LDHB: variants seen among roughly 807,000 people sequenced by gnomAD.
The protein encoded by LDHB is L-lactate dehydrogenase B chain.
In LDHB, 18 loss-of-function variants were observed where a neutral mutation model predicts 33.4. The observed-to-expected ratio is 0.54, with a 90% CI of 0.37 to 0.80. The LOEUF (loss-of-function observed/expected upper bound fraction) is 0.80. Among genes scored for constraint, LDHB ranks in the 30% least tolerant of loss-of-function variants. The pLI is 0.00. For missense variants in LDHB, 345 were observed against 407.9 expected (o/e 0.85, Z 1.33); for synonymous variants, 121 against 140.6 (o/e 0.86, Z 0.98).
Position 21,644,053 on chromosome 12 carries a change from C to T in LDHB, c.303G>A (p.Gln101=). The change falls in exon 4 of 8, where the codon CAG becomes CAA. Residue 101 remains glutamine, a synonymous_variant. Coordinates refer to ENST00000350669, the MANE Select transcript of LDHB (RefSeq NM_002300.8). ...KIVVVTAGVR[Q]QEGESRLNLV... ...GATTGAGCCGACTCTCCCCTTCTTG[C>T]TGACGGACTCCTGCAGTTACCACTA... 1 of 1,613,308 alleles carries T rather than the reference C, an allele frequency of 6.2e-7. No homozygotes were observed. The highest frequency in any genetic ancestry group is 8.5e-7 in the Non-Finnish European group (1 of 1,179,290).
chr12:21,643,112 A>G (rs894682037), intron 4 of LDHB, among the ~76,000 whole-genome samples: 7 of 152,242 alleles, frequency 4.6e-5, no homozygotes, highest in African/African-American at 1.7e-4. Context: ...TTGCAGAAGT[A>G]AAAATATGGA....
At chr12:21,647,136 A>C (rs1938548493) in intron 2 of LDHB, 120 bp from the exon 3 acceptor site, 1 of 678,432 alleles carries the variant, frequency 1.5e-6, no homozygotes, top group Non-Finnish European at 2.6e-6. Context: ...CATCTTGAGA[A>C]TTTTACCATG....
At chr12:21,637,032 G>A (rs375094437) in intron 7 of LDHB, 39 bp downstream of exon 7, 3 of 1,492,708 alleles carry the variant, frequency 2.0e-6, no homozygotes, top group Non-Finnish European at 2.8e-6. Context: ...AGAATACAAT[G>A]CGAGAAATCA....
At chr12:21,637,292 G>C in intron 6 of LDHB, 98 bp from the exon 7 acceptor site, 1 of 927,016 alleles carries the variant, frequency 1.1e-6, no homozygotes. Context: ...CTATAATCTT[G>C]GGCAAATTAT....
At chr12:21,656,510 G>A (rs900079851) in intron 1 of LDHB, among the ~76,000 whole-genome samples, 5 of 152,146 alleles carry the variant, frequency 3.3e-5, no homozygotes, top group Non-Finnish European at 7.4e-5. Flanking sequence ...GTCTGTTTAC[G>A]ACCGTTTTGG....
chr12:21,646,173 G>A (rs1938522169), intron 3 of LDHB, among the ~76,000 whole-genome samples: 1 of 152,194 alleles, frequency 6.6e-6, no homozygotes, highest in Non-Finnish European at 1.5e-5. Context: ...AGGGAGGAGA[G>A]GAGAATGATG....
At chr12:21,654,493 G>A (rs568052918) in intron 2 of LDHB, 50 bp downstream of exon 2, 2 of 1,570,412 alleles carry the variant, frequency 1.3e-6, no homozygotes, top group African/African-American at 2.7e-5. Context: ...CAAAGAAACT[G>A]TGTATACATG....
At chr12:21,644,342 C>T (rs528961730) in intron 3 of LDHB, among the ~76,000 whole-genome samples, 7 of 139,102 alleles carry the variant, frequency 5.0e-5, no homozygotes, top group South Asian at 2.2e-4. Flanking sequence ...AAAGATGACC[C>T]GAAAGTATGT....
At chr12:21,644,747 A>T (rs1938475615) in intron 3 of LDHB, among the ~76,000 whole-genome samples, 1 of 152,164 alleles carries the variant, frequency 6.6e-6, no homozygotes, top group South Asian at 2.1e-4. Flanking sequence ...GCTTTTGATG[A>T]TTGGTAATAC....
Position 21,635,699 on chromosome 12 carries a change from C to T in LDHB, c.848G>A (p.Gly283Asp). Reference protein sequence around the residue: ...PVSTMVKGMYGIENEVFLSLP... With the variant: ...PVSTMVKGMYDIENEVFLSLP... ...GCTCAGGAAGACTTCATTCTCAATG[C>T]CATACATCCCCTGCCAGAACAACAA... is the stretch of plus-strand genomic sequence containing the variant. The change falls in exon 8 of 8, where the codon GGC (glycine) becomes GAC (aspartate). Residue 283 changes from glycine to aspartate, a missense_variant. By Grantham distance (94) the Gly-to-Asp change is moderately conservative. Coordinates refer to ENST00000350669, the MANE Select transcript of LDHB (RefSeq NM_002300.8). 1 of 1,613,500 alleles carries T rather than the reference C, an allele frequency of 6.2e-7. No homozygotes were observed. Among genetic ancestry groups the T allele is most frequent in the Non-Finnish European group, 8.5e-7 (1 of 1,179,658 alleles).
intron 5 of LDHB, among the ~76,000 whole-genome samples, chr12:21,638,879 A>G (rs1591827331): frequency 6.6e-6 from 1 of 151,984 alleles, no homozygotes; most frequent in Non-Finnish European, 1.5e-5. Flanking sequence ...AAGAAAAAAA[A>G]TCCTAGAATA....
chr12:21,648,748 G>A (rs1938598454), intron 2 of LDHB, among the ~76,000 whole-genome samples: 1 of 152,222 alleles, frequency 6.6e-6, no homozygotes, highest in African/African-American at 2.4e-5. Context: ...ACTGTCCTCT[G>A]TTGCTAAAAT....
At chr12:21,650,096 G>GAAAA (rs1555165524) in intron 2 of LDHB, among the ~76,000 whole-genome samples, 12 of 24,540 alleles carry the variant, frequency 4.9e-4, no homozygotes, top group African/African-American at 9.3e-4. Flanking sequence ...TCTCTCAAGA[G>GAAAA]AAAAAAAATA....
intron 1 of LDHB, chr12:21,657,087 T>A (rs1207876981): frequency 6.6e-6 from 1 of 151,984 alleles, no homozygotes; most frequent in Admixed American, 6.6e-5. Flanking sequence ...GCTAGAGATC[T>A]CCCCGAGTAA....
rs796589899 is a variant in LDHB at position 21,650,138 on chromosome 12, ACACACACACACACG to A, written c.130-3136_130-3123del. Among the ~76,000 whole-genome samples the A allele has an allele frequency of 3.0e-3, 454 of 149,256 alleles. 11 individuals are homozygous for A. The highest frequency in any genetic ancestry group is 9.9e-3 in the African/African-American group (399 of 40,138). ...CACACACACACACACACACACACAC[ACACACACACACACG>A]TCTCTCTCTCCAAGTGTTTAGTATG... On this transcript the variant is annotated intron_variant, in intron 2 of 7. Transcript: ENST00000350669.
chr12:21,640,282 G>A (rs1938336927), intron 5 of LDHB, among the ~76,000 whole-genome samples: 1 of 151,226 alleles, frequency 6.6e-6, no homozygotes, highest in Non-Finnish European at 1.5e-5. Context: ...TAATTTAAAT[G>A]AGAAAAATAT....
At chr12:21,651,381 G>T (rs891973559) in intron 2 of LDHB, among the ~76,000 whole-genome samples, 2 of 152,212 alleles carry the variant, frequency 1.3e-5, no homozygotes, top group Non-Finnish European at 2.9e-5. Context: ...GCAATGGGCT[G>T]CAGAGAGTGG....
chr12:21,641,930 T>C, intron 5 of LDHB, 22 bp downstream of exon 5: 1 of 1,596,322 alleles, frequency 6.3e-7, no homozygotes, highest in Non-Finnish European at 8.6e-7. Flanking sequence ...CACAAGTAAT[T>C]ATTTCTTTTT....
rs1591830643 is a variant in LDHB at position 21,644,424 on chromosome 12, C to CAAAAAAAAAAAAACAAAAAAAAAAAAAAA, written c.248-317_248-316insTTTTTTTTTTTTTTTGTTTTTTTTTTTTT. 2.6e-4 allele frequency among the ~76,000 whole-genome samples: 4 copies of CAAAAAAAAAAAAACAAAAAAAAAAAAAAA among 15,272 alleles called. 1 individual carries two copies. Among genetic ancestry groups the CAAAAAAAAAAAAACAAAAAAAAAAAAAAA allele is most frequent in the African/African-American group, 3.9e-4 (3 of 7,750 alleles). 10.0% of individuals were successfully genotyped at this position (15,272 alleles called of 152,430 possible). On this transcript the variant is annotated intron_variant, in intron 3 of 7. Transcript: ENST00000350669. Reference sequence around the variant, plus strand: ...AACAGTGACTCCAATAGGTAGACATCAAAAAAAAAAAAAAAAAAAAACAAA... The same window carrying CAAAAAAAAAAAAACAAAAAAAAAAAAAAA: ...AACAGTGACTCCAATAGGTAGACATCAAAAAAAAAAAAACAAAAAAAAAAAAAAAAAAAAAAAAAAAAAAAAAAAACAAA...
Sources: gnomAD v4.1 joint callset for allele counts (sites outside exome capture counted in the v4.1 genomes callset) on GRCh38, gnomAD v4.1.1 for gene constraint, MANE v1.5 for transcripts, NCBI Gene and HGNC (gene_info 2026-07-23, HGNC 2026-07-21) for gene names.